The following C3 variants were observed in gnomAD, a reference collection of about 807,000 sequenced individuals.
C3 encodes complement C3, also known as C3 and PZP-like alpha-2-macroglobulin domain-containing protein 1.
In C3, 97 loss-of-function variants were observed where a neutral mutation model predicts 207.9. That is an observed-to-expected ratio of 0.47 (90% CI 0.40 to 0.55). C3 has a LOEUF of 0.55. Ranked by LOEUF, C3 falls within the 20% of genes least tolerant of loss-of-function variation. C3 has a pLI of 0.00. For missense variants in C3, 1,684 were observed against 2,171.7 expected, an observed-to-expected ratio of 0.78 and a Z score of 4.46; for synonymous variants, 848 against 857.6, an observed-to-expected ratio of 0.99 and a Z score of 0.20.
At chr19:6,694,684 C>G in intron 23 of C3, 50 bp from the exon 24 acceptor site, 1 of 1,562,176 alleles carries the variant, frequency 6.4e-7, no homozygotes, top group Non-Finnish European at 8.7e-7. Flanking sequence ...GGTGACCCAC[C>G]TTGGGGTGGC....
At position 6,689,296 on chromosome 19, in the gene C3, C is replaced by T. The variant is rs11569522; in HGVS notation, c.3489+1333G>A. Among the ~76,000 whole-genome samples the T allele has an allele frequency of 3.5e-3, 393 of 111,248 alleles. 6 individuals are homozygous for T. Among genetic ancestry groups the T allele is most frequent in the African/African-American group, 0.012 (363 of 29,638 alleles). The allele number at this position is 111,248 out of a possible 152,430, so 73.0% of individuals were successfully genotyped here. On this transcript the variant is annotated intron_variant, in intron 27 of 40. Coordinates refer to ENST00000245907, the MANE Select transcript of C3 (RefSeq NM_000064.4). ...AAGTCAGATTTGTCTGACCCCACCTCTCCTCTCTCTCTCTCTCTCTCTCTC... is the reference window on the plus strand; with the variant it reads ...AAGTCAGATTTGTCTGACCCCACCTTTCCTCTCTCTCTCTCTCTCTCTCTC...
intron 33 of C3, chr19:6,682,972 G>C (rs1917901359): frequency 6.5e-6 from 1 of 153,382 alleles, no homozygotes; most frequent in Non-Finnish European, 1.5e-5. Context: ...AAGAATAGCA[G>C]ACTATGGTGA....
chr19:6,678,591 G>A (rs1224908017), intron 38 of C3, 136 bp from the exon 39 acceptor site: 6 of 703,752 alleles, frequency 8.5e-6, no homozygotes, highest in African/African-American at 5.2e-5. Flanking sequence ...TCACACTATG[G>A]CCCACCCCTC....
chr19:6,698,010 ATTATTATTAT>A (rs1568217810), intron 19 of C3, among the ~76,000 whole-genome samples: 11 of 91,268 alleles, frequency 1.2e-4, no homozygotes, highest in East Asian at 2.8e-4. Context: ...TATTATTATT[ATTATTATTAT>A]TATTATTAAT....
chr19:6,693,298 C>G, intron 25 of C3, 114 bp downstream of exon 25: 1 of 1,187,046 alleles, frequency 8.4e-7, no homozygotes, highest in South Asian at 1.3e-5. Context: ...CTCTGCAGGT[C>G]CAGGGCTGTT....
intron 17 of C3, among the ~76,000 whole-genome samples, chr19:6,705,745 GCT>G (rs1967761026): frequency 6.6e-6 from 1 of 151,704 alleles, no homozygotes; most frequent in African/African-American, 2.4e-5. Flanking sequence ...CACAATCTCA[GCT>G]CACTGCAACC....
At position 6,714,358 on chromosome 19, in the gene C3, A is replaced by C; in HGVS notation, c.593T>G (p.Leu198Arg). The change falls in exon 5 of 41, where the codon CTC becomes CGC. Residue 198 changes from leucine to arginine, a missense_variant. By Grantham distance (102) the Leu-to-Arg change is moderately radical. This residue lies in a region of C3 where 1,280 missense variants were observed against 1,739.1 expected (regional missense o/e 0.74). Coordinates refer to ENST00000245907, the MANE Select transcript of C3 (RefSeq NM_000064.4). ...CCTCAAGAACCTGACATACTTGACG[A>C]GTTCCGGAATGTCCCAAGACAAGGG... is the stretch of plus-strand genomic sequence containing the variant. Reference protein sequence around the residue: ...VLPLSWDIPELVNMGQWKIRA... With the variant: ...VLPLSWDIPERVNMGQWKIRA... The C allele has an allele frequency of 6.2e-7, 1 of 1,613,632 alleles. No homozygotes were observed.
intron 15 of C3, 90 bp from the exon 16 acceptor site, chr19:6,707,627 T>C (rs1967808863): frequency 1.3e-6 from 2 of 1,535,020 alleles, no homozygotes; most frequent in Non-Finnish European, 1.8e-6. Flanking sequence ...GGTGGGGGTG[T>C]TCCTGCTCCC....
chr19:6,713,556 T>C (rs1338103168), intron 7 of C3, 47 bp from the exon 8 acceptor site: 1 of 1,412,656 alleles, frequency 7.1e-7, no homozygotes, highest in Non-Finnish European at 1.0e-6. Flanking sequence ...TCCTGGAGAA[T>C]GGGATCTCCC....
rs776423109 is a variant in C3 at position 6,718,117 on chromosome 19, G to A, written c.481C>T (p.Arg161Trp). The change falls in exon 4 of 41, where the codon CGG becomes TGG. Residue 161 changes from arginine (R) to tryptophan (W), a missense_variant. Around this residue, in one of 3 missense-constraint regions of C3, gnomAD observed 1,280 missense variants for 1,739.1 expected, o/e 0.74. Transcript: ENST00000245907. The stretch of plus-strand genomic sequence containing the variant: ...ACCTCAATGTTGACCATGACCGTCC[G>A]GCCCACGGGTAGCAGCTTGTGGTTG... ...TVNHKLLPVG[R>W]TVMVNIENPE... 3.1e-6 allele frequency: 5 copies of A among 1,614,136 alleles called. No individual in the cohort carries two copies. Among genetic ancestry groups the A allele is most frequent in the Non-Finnish European group, 4.2e-6 (5 of 1,180,006 alleles).
Position 6,685,132 on chromosome 19 carries a change from C to CCTTGGCCTAGA in C3, c.3824_3825insTCTAGGCCAAG (p.Phe1276LeufsTer21). The CCTTGGCCTAGA allele has an allele frequency of 6.2e-7, 1 of 1,613,878 alleles. No individual in the cohort carries two copies. The highest frequency in any genetic ancestry group is 8.5e-7 in the Non-Finnish European group (1 of 1,179,872). On this transcript the variant is annotated frameshift_variant, in exon 30 of 41. Coordinates refer to ENST00000245907, the MANE Select transcript of C3 (RefSeq NM_000064.4). LOFTEE classifies it high-confidence loss of function. ...TTTGGTATTGAGCCAAGGCTTGGAA[C>CCTTGGCCTAGA]ACCATGAAGGTGGCCTAGAACCCAC...
intron 23 of C3, among the ~76,000 whole-genome samples, chr19:6,696,164 C>G (rs1459579207): frequency 6.8e-6 from 1 of 146,264 alleles, no homozygotes; most frequent in African/African-American, 2.6e-5. Flanking sequence ...GAGCTGAGGT[C>G]GCGCCACTGC....
At position 6,707,279 on chromosome 19, in the gene C3, G is replaced by A; in HGVS notation, c.2048-6C>T. ...CTCCTTGGGGTACTTGCCGACTGCGGGAGCACGTGTTCCCCCAGGCCACAC... is the reference window on the plus strand; with the variant it reads ...CTCCTTGGGGTACTTGCCGACTGCGAGAGCACGTGTTCCCCCAGGCCACAC... On this transcript the variant is annotated splice_region_variant and splice_polypyrimidine_tract_variant and intron_variant, in intron 16 of 40. Coordinates refer to ENST00000245907, the MANE Select transcript of C3 (RefSeq NM_000064.4). 1 of 1,605,336 alleles carries A rather than the reference G, an allele frequency of 6.2e-7. No individual in the cohort carries two copies. Among genetic ancestry groups the A allele is most frequent in the Non-Finnish European group, 8.5e-7 (1 of 1,176,664 alleles).
At chr19:6,688,164 C>T (rs1227146253) in intron 27 of C3, among the ~76,000 whole-genome samples, 6 of 146,992 alleles carry the variant, frequency 4.1e-5, no homozygotes, top group African/African-American at 1.0e-4. Flanking sequence ...GACGGAGTCT[C>T]GCTCTGGCCC....
At position 6,713,234 on chromosome 19, in the gene C3, C is replaced by G; in HGVS notation, c.958G>C (p.Val320Leu). The change falls in exon 9 of 41, where the codon GTG becomes CTG. Residue 320 changes from valine (V) to leucine (L), a missense_variant. Around this residue, in one of 3 missense-constraint regions of C3, gnomAD observed 1,280 missense variants for 1,739.1 expected, o/e 0.74. Coordinates refer to ENST00000245907, the MANE Select transcript of C3 (RefSeq NM_000064.4). ...GCAGACACGTACAAAGACTTCCCCA[C>G]CAGGTCTTCTGCTCGGGGGTTCTGC... ...GVQNPRAEDL[V>L]GKSLYVSATV... 6.2e-6 allele frequency: 10 copies of G among 1,613,750 alleles called. No individual in the cohort carries two copies. The highest frequency in any genetic ancestry group is 8.5e-6 in the Non-Finnish European group (10 of 1,180,010).
chr19:6,710,904 G>A lies in C3; in HGVS notation c.1480-59C>T, dbSNP rs1599522797. 1.1e-5 allele frequency: 17 copies of A among 1,601,622 alleles called. No individual in the cohort carries two copies. In the East Asian group the frequency reaches 3.8e-4, roughly 36 times the overall value. On this transcript the variant is annotated intron_variant, in intron 12 of 40. Coordinates refer to ENST00000245907, the MANE Select transcript of C3 (RefSeq NM_000064.4). Reference sequence around the variant, plus strand: ...GTGAGTGGCAGGGAACGCAGGGAGGGATCCGGGATGGGGGAAGGAGTCCCA... The same window carrying A: ...GTGAGTGGCAGGGAACGCAGGGAGGAATCCGGGATGGGGGAAGGAGTCCCA...
At chr19:6,704,683 C>T (rs942807779) in intron 17 of C3, among the ~76,000 whole-genome samples, 1 of 151,840 alleles carries the variant, frequency 6.6e-6, no homozygotes, top group Non-Finnish European at 1.5e-5. Context: ...CACTTGAACA[C>T]GGGAGGCGGA....
At chr19:6,689,981 C>CA (rs370907789) in intron 27 of C3, among the ~76,000 whole-genome samples, 49 of 152,114 alleles carry the variant, frequency 3.2e-4, no homozygotes, top group African/African-American at 1.1e-3. Flanking sequence ...GACTCCATCA[C>CA]AAAAAATAAA....
chr19:6,693,401 T>C lies in C3; in HGVS notation c.3230+11A>G. The C allele has an allele frequency of 6.2e-7, 1 of 1,607,002 alleles. No individual in the cohort carries two copies. The highest frequency in any genetic ancestry group is 1.1e-5 in the South Asian group (1 of 89,850). ...GAGTATGCATGGCCTGAGCTGGCTG[T>C]TGGGACTCACCAGGTGCTGGGTGCC... On this transcript the variant is annotated intron_variant, in intron 25 of 40. Coordinates refer to ENST00000245907, the MANE Select transcript of C3 (RefSeq NM_000064.4).
Sources: allele counts gnomAD v4.1 joint callset (sites outside exome capture counted in the v4.1 genomes callset), GRCh38; gene constraint gnomAD v4.1.1; regional missense constraint gnomAD v4.1.1; transcripts MANE v1.5; gene names NCBI Gene and HGNC (gene_info 2026-07-23, HGNC 2026-07-21).